The following TEX11 variants were observed in gnomAD, a reference collection of about 807,000 sequenced individuals.
TEX11 encodes the protein testis expressed 11.
In TEX11, 7 loss-of-function variants were observed where a neutral mutation model predicts 84.4. The observed-to-expected ratio is 0.08, with a 90% CI of 0.05 to 0.16. The LOEUF (loss-of-function observed/expected upper bound fraction) is 0.16, where lower values mean the gene tolerates loss of function less well. Among genes scored for constraint, TEX11 ranks in the 10% least tolerant of loss-of-function variants. TEX11 has a pLI of 1.00. For missense variants in TEX11, 551 were observed against 660.5 expected, an observed-to-expected ratio of 0.83 and a Z score of 1.82; for synonymous variants, 264 against 222.8, an observed-to-expected ratio of 1.18 and a Z score of -1.64.
intron 9 of TEX11, among the ~76,000 whole-genome samples, chrX:70,781,643 C>T (rs1223975365): frequency 2.7e-5 from 3 of 111,792 alleles, no homozygotes; most frequent in African/African-American, 9.8e-5. Flanking sequence ...GAGCTGAAAA[C>T]CATAGCACGA....
At chrX:70,600,428 A>T (rs1390452189) in intron 24 of TEX11, among the ~76,000 whole-genome samples, 1 of 111,170 alleles carries the variant, frequency 9.0e-6, no homozygotes, top group Non-Finnish European at 1.9e-5. Context: ...GGAGACTTTA[A>T]CTTCCCACCA....
rs138028298 is a variant in TEX11 at position 70,728,528 on chromosome X, G to A, written c.844-3185C>T. Among the ~76,000 whole-genome samples, 601 of 112,821 alleles carry A rather than the reference G, an allele frequency of 5.3e-3. 3 individuals are homozygous for A. The highest frequency in any genetic ancestry group is 0.018 in the African/African-American group (562 of 31,160). On this transcript the variant is annotated intron_variant, in intron 11 of 29. Transcript: ENST00000374333. ...ACCAGGAAATTAAATCCCACCCCTG[G>A]CTTGGAGGGTCCTACGCCCACAGAG...
At chrX:70,811,532 T>C (rs1423712223) in intron 8 of TEX11, among the ~76,000 whole-genome samples, 1 of 111,853 alleles carries the variant, frequency 8.9e-6, no homozygotes, top group Non-Finnish European at 1.9e-5. Flanking sequence ...ATCTTTTGGG[T>C]ATATACCCAG....
intron 11 of TEX11, among the ~76,000 whole-genome samples, chrX:70,730,546 G>A (rs994452541): frequency 6.3e-5 from 7 of 111,767 alleles, no homozygotes; most frequent in African/African-American, 9.8e-5. Context: ...AAGATCAAAA[G>A]AGACAAAGAA....
rs141967218 is a variant in TEX11 at position 70,746,885 on chromosome X, C to T, written c.693-2666G>A. Among the ~76,000 whole-genome samples, 991 of 111,888 alleles carry T rather than the reference C, an allele frequency of 8.9e-3. 8 individuals are homozygous for T. Among genetic ancestry groups the T allele is most frequent in the African/African-American group, 0.029 (897 of 30,900 alleles). ...GCCCATGTGCCATTCTGCACCCACT[C>T]ACGCACAATCAGAGAAAGTGTTGGG... is the stretch of plus-strand genomic sequence containing the variant. On this transcript the variant is annotated intron_variant, in intron 9 of 29. Coordinates refer to ENST00000374333, the MANE Select transcript of TEX11 (RefSeq NM_031276.3).
chrX:70,663,936 A>C (rs1177185173), intron 16 of TEX11, among the ~76,000 whole-genome samples: 2 of 111,934 alleles, frequency 1.8e-5, no homozygotes, highest in Non-Finnish European at 1.9e-5. Flanking sequence ...TATAACCTAC[A>C]CACATCCTTT....
At chrX:70,766,810 C>G (rs2090943746) in intron 9 of TEX11, among the ~76,000 whole-genome samples, 1 of 111,437 alleles carries the variant, frequency 9.0e-6, no homozygotes, top group Non-Finnish European at 1.9e-5. Flanking sequence ...ATAGAGATCC[C>G]AGAAACAAAT....
chrX:70,566,137 T>A (rs1346553402), intron 25 of TEX11, among the ~76,000 whole-genome samples: 1 of 106,661 alleles, frequency 9.4e-6, no homozygotes, highest in Non-Finnish European at 1.9e-5. Flanking sequence ...GTAAGTTGGA[T>A]TCTTAGGTAT....
rs763965882 is a variant in TEX11, at chrX:70,713,622, G to A, written c.1004+8996C>T. Among the ~76,000 whole-genome samples the A allele has an allele frequency of 8.3e-4, 93 of 111,576 alleles. No homozygotes were observed. In the East Asian group the frequency reaches 0.024, roughly 29 times the overall value. On this transcript the variant is annotated intron_variant, in intron 13 of 29. Coordinates refer to ENST00000374333, the MANE Select transcript of TEX11 (RefSeq NM_031276.3). ...CTCTGATGGTAGTTTGTATTTCTGT[G>A]GGATCGGTGGTGATATCCCCTTTAT...
intron 17 of TEX11, among the ~76,000 whole-genome samples, chrX:70,635,810 T>A (rs1407445817): frequency 9.1e-6 from 1 of 109,825 alleles, no homozygotes; most frequent in Non-Finnish European, 1.9e-5. Flanking sequence ...CCCCAGGTTT[T>A]CAGACCACCT....
At chrX:70,738,169 C>G (rs1269150922) in intron 11 of TEX11, among the ~76,000 whole-genome samples, 1 of 111,640 alleles carries the variant, frequency 9.0e-6, no homozygotes, top group Non-Finnish European at 1.9e-5. Flanking sequence ...AGGCAATCTA[C>G]AGAATGGGAG....
rs1052058510 is a variant in TEX11 at position 70,754,789 on chromosome X, G to A, written c.693-10570C>T. On this transcript the variant is annotated intron_variant, in intron 9 of 29. Transcript: ENST00000374333. The stretch of plus-strand genomic sequence containing the variant: ...AGAGAGAAAGAGAGAGAGAGAGAGA[G>A]ACTCTGTTTAGGAGAAAGTAAGGGA... Among the ~76,000 whole-genome samples the A allele has an allele frequency of 2.7e-5, 3 of 111,221 alleles. No homozygotes were observed. The South Asian group carries it at 1.2e-3, about 43-fold the overall frequency.
At chrX:70,680,003 G>T (rs1456742005) in intron 14 of TEX11, among the ~76,000 whole-genome samples, 42 of 88,221 alleles carry the variant, frequency 4.8e-4, no homozygotes, top group African/African-American at 1.7e-3. Flanking sequence ...TCCGGGAGGT[G>T]AGGGGCGCCT....
chrX:70,799,659 G>T (rs1257953629), intron 9 of TEX11, among the ~76,000 whole-genome samples: 2 of 111,364 alleles, frequency 1.8e-5, no homozygotes, highest in African/African-American at 6.5e-5. Flanking sequence ...TTTCTCTTTG[G>T]GATCATACTG....
intron 9 of TEX11, among the ~76,000 whole-genome samples, chrX:70,785,862 C>T (rs757508240): frequency 8.9e-6 from 1 of 112,108 alleles, no homozygotes; most frequent in East Asian, 2.8e-4. Context: ...CGCTTTTACA[C>T]TGTTGGTGGG....
At chrX:70,637,239 T>A (rs1485758617) in intron 17 of TEX11, among the ~76,000 whole-genome samples, 1 of 111,410 alleles carries the variant, frequency 9.0e-6, no homozygotes, top group Non-Finnish European at 1.9e-5. Flanking sequence ...TATTAAAAAG[T>A]CAAAAAACAA....
intron 7 of TEX11, among the ~76,000 whole-genome samples, chrX:70,835,484 A>G (rs1437282346): frequency 1.8e-5 from 2 of 112,407 alleles, no homozygotes; most frequent in Non-Finnish European, 3.8e-5. Context: ...TTTTGTGAGC[A>G]TCAGACTCAC....
rs2091211438 is a variant in TEX11 at position 70,805,175 on chromosome X, A to G, written c.692+1530T>C. ...CTTTGGGCTTTAAAAAGTCTCTTAT[A>G]TAAGTCATTTGCATCAACATTTTGC... is the stretch of plus-strand genomic sequence containing the variant. On this transcript the variant is annotated intron_variant, in intron 9 of 29. Coordinates refer to ENST00000374333, the MANE Select transcript of TEX11 (RefSeq NM_031276.3). 2.7e-5 allele frequency among the ~76,000 whole-genome samples: 3 copies of G among 109,825 alleles called. No individual in the cohort carries two copies. In the South Asian group the frequency reaches 1.2e-3, roughly 43 times the overall value.
At chrX:70,572,519 T>A (rs1762743445) in intron 25 of TEX11, among the ~76,000 whole-genome samples, 1 of 110,818 alleles carries the variant, frequency 9.0e-6, no homozygotes, top group African/African-American at 3.3e-5. Flanking sequence ...CCAAAAGATT[T>A]TAAATCATGC....
Sources: allele counts gnomAD v4.1 joint callset (sites outside exome capture counted in the v4.1 genomes callset), GRCh38; gene constraint gnomAD v4.1.1; transcripts MANE v1.5; gene names NCBI Gene and HGNC (gene_info 2026-07-23, HGNC 2026-07-21).